DBF4: variants seen among roughly 807,000 people sequenced by gnomAD.
DBF4 encodes the protein DBF4-CDC7 kinase regulatory subunit, also known as protein DBF4 homolog A.
A neutral mutation model predicts 76.6 loss-of-function variants in DBF4; 25 were observed. The ratio of observed to expected loss-of-function variants is 0.33; its 90% CI spans 0.24 to 0.46. The LOEUF (loss-of-function observed/expected upper bound fraction) is 0.46, where lower values mean the gene tolerates loss of function less well. Among genes scored for constraint, DBF4 ranks in the 20% least tolerant of loss-of-function variants. The pLI, the probability that DBF4 is intolerant of heterozygous loss-of-function variation, is 1.00. For synonymous variants in DBF4, 213 were observed against 258.0 expected (o/e 0.83, Z 1.67); for missense variants, 638 against 760.8 (o/e 0.84, Z 1.90).
At chr7:87,878,265 G>A in intron 2 of DBF4, 40 bp downstream of exon 2, 2 of 1,490,188 alleles carry the variant, frequency 1.3e-6, no homozygotes, top group Non-Finnish European at 1.8e-6. Flanking sequence ...GGAAAAATTT[G>A]TAACTAGTAC....
chr7:87,888,169 G>T, intron 6 of DBF4, 110 bp downstream of exon 6: 1 of 1,331,292 alleles, frequency 7.5e-7, no homozygotes, highest in Non-Finnish European at 9.8e-7. Flanking sequence ...GCCTGTGTAT[G>T]ATGTGCCTGT....
intron 3 of DBF4, among the ~76,000 whole-genome samples, chr7:87,886,371 A>G (rs957260136): frequency 4.0e-5 from 6 of 151,634 alleles, no homozygotes; most frequent in South Asian, 2.1e-4. Context: ...TCTCTACTTA[A>G]AAAAAATACA....
intron 2 of DBF4, 70 bp from the exon 3 acceptor site, chr7:87,884,909 C>T: frequency 8.3e-7 from 1 of 1,209,726 alleles, no homozygotes; most frequent in Non-Finnish European, 1.2e-6. Flanking sequence ...TGCACTCTAG[C>T]CTGGATAACA....
chr7:87,895,546 G>T (rs1839611789), intron 6 of DBF4, among the ~76,000 whole-genome samples: 1 of 152,098 alleles, frequency 6.6e-6, no homozygotes, highest in Non-Finnish European at 1.5e-5. Flanking sequence ...TGTCTTGGTG[G>T]TTGTGGGTGG....
At chr7:87,890,893 T>C (rs879929333) in intron 6 of DBF4, among the ~76,000 whole-genome samples, 3 of 152,188 alleles carry the variant, frequency 2.0e-5, no homozygotes, top group East Asian at 1.9e-4. Flanking sequence ...ATCTTGATAG[T>C]CCAGAATCTA....
At chr7:87,883,674 A>T (rs902050886) in intron 2 of DBF4, among the ~76,000 whole-genome samples, 2 of 152,180 alleles carry the variant, frequency 1.3e-5, no homozygotes, top group Non-Finnish European at 2.9e-5. Context: ...TTAACCAAGG[A>T]GGCCACTGGT....
intron 11 of DBF4, among the ~76,000 whole-genome samples, chr7:87,906,195 T>C (rs1352130553): frequency 6.6e-6 from 1 of 151,970 alleles, no homozygotes; most frequent in Non-Finnish European, 1.5e-5. Flanking sequence ...TGGGCTACTC[T>C]AAGAACTTAT....
chr7:87,903,359 G>T (rs993309261), intron 10 of DBF4, among the ~76,000 whole-genome samples: 2 of 152,168 alleles, frequency 1.3e-5, no homozygotes, highest in Non-Finnish European at 2.9e-5. Context: ...GACTACAGGC[G>T]TAAGCCACTG....
At chr7:87,894,709 C>G (rs901862980) in intron 6 of DBF4, among the ~76,000 whole-genome samples, 2 of 152,228 alleles carry the variant, frequency 1.3e-5, no homozygotes, top group South Asian at 4.1e-4. Context: ...TTCTTTGTCT[C>G]AGCACCTTAC....
Position 87,904,285 on chromosome 7 carries a change from G to A in DBF4, c.925-7G>A. 1.3e-6 allele frequency: 2 copies of A among 1,584,732 alleles called. No homozygotes were observed. Among genetic ancestry groups the A allele is most frequent in the Non-Finnish European group, 1.7e-6 (2 of 1,171,316 alleles). The stretch of plus-strand genomic sequence containing the variant: ...TTTTTTGATACATGTTTTTAATTTT[G>A]TTTTAGCACCTTCTAAGTGAGCAAC... On this transcript the variant is annotated splice_polypyrimidine_tract_variant and splice_region_variant and intron_variant, in intron 10 of 11. Coordinates refer to ENST00000265728, the MANE Select transcript of DBF4 (RefSeq NM_006716.4).
chr7:87,889,428 A>G (rs1315871626), intron 6 of DBF4, among the ~76,000 whole-genome samples: 2 of 151,772 alleles, frequency 1.3e-5, no homozygotes, highest in Non-Finnish European at 2.9e-5. Flanking sequence ...TACAGGCATG[A>G]GCCACCGTAC....
Position 87,876,599 on chromosome 7 carries a change from T to C in DBF4, c.-134T>C. The C allele has an allele frequency of 1.0e-6, 1 of 996,968 alleles. No individual in the cohort carries two copies. Among genetic ancestry groups the C allele is most frequent in the South Asian group, 1.4e-5 (1 of 72,824 alleles). The allele number at this position is 996,968 out of a possible 1,614,324, so 61.8% of individuals were successfully genotyped here. A position where few individuals can be genotyped will look rare whatever the true frequency, so the allele number is the denominator to read the frequency against. ...ACCCGACCTGCAGACGCGGTACCTC[T>C]ACTGCGTAGAGGCCGTAGCTGGCGG... On this transcript the variant is annotated 5_prime_UTR_variant, in exon 1 of 12. Transcript: ENST00000265728.
chr7:87,896,550 T>C, intron 7 of DBF4, 40 bp downstream of exon 7: 2 of 1,571,046 alleles, frequency 1.3e-6, no homozygotes. Context: ...TGGTTTGCAT[T>C]TGAAAAATCA....
intron 6 of DBF4, among the ~76,000 whole-genome samples, chr7:87,893,224 A>C (rs1839536507): frequency 1.3e-5 from 2 of 150,238 alleles, no homozygotes; most frequent in Admixed American, 1.3e-4. Context: ...GGATATGTAC[A>C]CATTTAATAT....
intron 2 of DBF4, among the ~76,000 whole-genome samples, chr7:87,879,314 A>G (rs2131038333): frequency 6.6e-6 from 1 of 152,266 alleles, no homozygotes; most frequent in African/African-American, 2.4e-5. Context: ...CTGTTAATAT[A>G]TTTTATTTAC....
intron 2 of DBF4, among the ~76,000 whole-genome samples, chr7:87,879,681 G>T (rs1271043973): frequency 1.3e-5 from 2 of 152,110 alleles, no homozygotes; most frequent in Non-Finnish European, 2.9e-5. Context: ...TATCTGGCTG[G>T]TAATTCACAC....
intron 2 of DBF4, among the ~76,000 whole-genome samples, chr7:87,881,716 G>A (rs569973429): frequency 2.0e-5 from 3 of 152,182 alleles, no homozygotes; most frequent in Non-Finnish European, 4.4e-5. Context: ...AACCCTCTAG[G>A]TATTCTTTGT....
At chr7:87,880,783 C>A (rs1484469357) in intron 2 of DBF4, among the ~76,000 whole-genome samples, 2 of 151,946 alleles carry the variant, frequency 1.3e-5, no homozygotes, top group South Asian at 4.2e-4. Context: ...AGGGGAAATA[C>A]CTTTAATAGT....
intron 3 of DBF4, among the ~76,000 whole-genome samples, chr7:87,886,063 C>T (rs892636430): frequency 6.6e-6 from 1 of 151,948 alleles, no homozygotes; most frequent in Non-Finnish European, 1.5e-5. Context: ...CAGAAAGGAG[C>T]TATCACTTGA....
Sources: allele counts gnomAD v4.1 joint callset (sites outside exome capture counted in the v4.1 genomes callset), GRCh38; gene constraint gnomAD v4.1.1; transcripts MANE v1.5; gene names NCBI Gene and HGNC (gene_info 2026-07-23, HGNC 2026-07-21).